GALNTL6: variants seen among roughly 807,000 people sequenced by gnomAD.
GALNTL6 encodes polypeptide N-acetylgalactosaminyltransferase-like 6.
Under a neutral mutation model 73.7 loss-of-function variants are expected in GALNTL6, and 46 were observed. The observed-to-expected ratio is 0.62, with a 90% CI of 0.49 to 0.80. The LOEUF is 0.80. Ranked by LOEUF, GALNTL6 falls within the 30% of genes least tolerant of loss-of-function variation. The probability of loss-of-function intolerance (pLI) is 0.00; values close to 1 mark genes in which losing one functional copy is unlikely to be tolerated. For missense variants in GALNTL6, 604 were observed against 755.0 expected, an observed-to-expected ratio of 0.80 and a Z score of 2.34; for synonymous variants, 259 against 263.7, an observed-to-expected ratio of 0.98 and a Z score of 0.17.
chr4:172,501,223 G>T (rs1278714665), intron 5 of GALNTL6, among the ~76,000 whole-genome samples: 1 of 152,094 alleles, frequency 6.6e-6, no homozygotes, highest in Non-Finnish European at 1.5e-5. Flanking sequence ...CTGGGTAAAG[G>T]GTATGTGAAA....
rs907034089 is a variant in GALNTL6 at position 171,986,451 on chromosome 4, C to T, written c.138+171733C>T. On this transcript the variant is annotated intron_variant, in intron 2 of 12. Transcript: ENST00000506823. ...AGGGGATATGATGGCTTAGCTTGGG[C>T]TCAGAGGCCTGACATTCCTGTCTTC... Among the ~76,000 whole-genome samples the T allele has an allele frequency of 2.6e-5, 4 of 152,036 alleles. No homozygotes were observed. In the South Asian group the frequency reaches 8.3e-4, roughly 32 times the overall value.
intron 10 of GALNTL6, among the ~76,000 whole-genome samples, chr4:172,971,914 G>A (rs1412731385): frequency 6.6e-6 from 1 of 152,076 alleles, no homozygotes; most frequent in Non-Finnish European, 1.5e-5. Flanking sequence ...GACTAAAAAG[G>A]CAACTCTCTC....
intron 5 of GALNTL6, among the ~76,000 whole-genome samples, chr4:172,590,985 A>C (rs1392437706): frequency 6.6e-6 from 1 of 152,178 alleles, no homozygotes; most frequent in African/African-American, 2.4e-5. Context: ...AGTACTTTGC[A>C]AATAGTCAGC....
In GALNTL6 at chr4:172,867,592, T is replaced by C. The variant is rs78820548; in HGVS notation, c.924-15198T>C. ...AGCCTACATCACCTGTACAATGTGG[T>C]GAGGGCAAAGGAGACGAAGGTGCAC... On this transcript the variant is annotated intron_variant, in intron 7 of 12. Coordinates refer to ENST00000506823, the MANE Select transcript of GALNTL6 (RefSeq NM_001034845.3). Among the ~76,000 whole-genome samples, 667 of 152,334 alleles carry C rather than the reference T, an allele frequency of 4.4e-3. 7 individuals are homozygous for C. The highest frequency in any genetic ancestry group is 0.015 in the African/African-American group (624 of 41,572).
chr4:172,399,101 A>G (rs1743949159), intron 5 of GALNTL6, among the ~76,000 whole-genome samples: 1 of 152,152 alleles, frequency 6.6e-6, no homozygotes, highest in South Asian at 2.1e-4. Flanking sequence ...ATAGTTAATC[A>G]GCCTACTGGA....
At chr4:172,970,163 A>G (rs1220858696) in intron 10 of GALNTL6, among the ~76,000 whole-genome samples, 1 of 152,234 alleles carries the variant, frequency 6.6e-6, no homozygotes, top group Non-Finnish European at 1.5e-5. Flanking sequence ...AAAGATCACA[A>G]GGCAAAGGGC....
chr4:172,653,467 C>T (rs183489217), intron 5 of GALNTL6, among the ~76,000 whole-genome samples: 21 of 152,112 alleles, frequency 1.4e-4, no homozygotes, highest in African/African-American at 2.9e-4. Flanking sequence ...GTGATCTGCC[C>T]GCCTCGGCCT....
At chr4:172,977,764 G>A (rs1579734678) in intron 10 of GALNTL6, among the ~76,000 whole-genome samples, 3 of 152,274 alleles carry the variant, frequency 2.0e-5, no homozygotes, top group Admixed American at 1.3e-4. Flanking sequence ...TCCTCTGGGT[G>A]CACATGTGCA....
At chr4:172,959,056 G>A (rs1485332078) in intron 10 of GALNTL6, among the ~76,000 whole-genome samples, 1 of 152,188 alleles carries the variant, frequency 6.6e-6, no homozygotes, top group Admixed American at 6.5e-5. Context: ...AGGCCATGCT[G>A]TAGCAGGCGA....
intron 5 of GALNTL6, among the ~76,000 whole-genome samples, chr4:172,445,239 TA>T (rs1438386632): frequency 1.3e-5 from 2 of 152,178 alleles, no homozygotes; most frequent in Non-Finnish European, 2.9e-5. Flanking sequence ...ATGATAACGC[TA>T]TGTCATTACA....
At chr4:172,354,563 A>G (rs569856476) in intron 5 of GALNTL6, among the ~76,000 whole-genome samples, 11 of 152,220 alleles carry the variant, frequency 7.2e-5, no homozygotes, top group Admixed American at 2.0e-4. Flanking sequence ...ATGTATGAAC[A>G]TACCACAGTA....
At chr4:172,473,576 A>G (rs536197924) in intron 5 of GALNTL6, among the ~76,000 whole-genome samples, 1 of 152,210 alleles carries the variant, frequency 6.6e-6, no homozygotes. Flanking sequence ...TGACACATAT[A>G]TACAAAATGT....
At chr4:172,165,769 A>G (rs530122333) in intron 2 of GALNTL6, among the ~76,000 whole-genome samples, 3 of 152,226 alleles carry the variant, frequency 2.0e-5, no homozygotes, top group Admixed American at 6.5e-5. Context: ...ATCTCTTATG[A>G]AAATAAATCA....
At chr4:172,575,058 A>T (rs959682511) in intron 5 of GALNTL6, among the ~76,000 whole-genome samples, 5 of 152,106 alleles carry the variant, frequency 3.3e-5, no homozygotes, top group African/African-American at 1.2e-4. Flanking sequence ...GTGTACCCAA[A>T]GGTCACTTAC....
At chr4:172,600,242 A>G (rs1261918740) in intron 5 of GALNTL6, among the ~76,000 whole-genome samples, 1 of 152,004 alleles carries the variant, frequency 6.6e-6, no homozygotes, top group Non-Finnish European at 1.5e-5. Context: ...TTGGAAACCA[A>G]AACCTAGAAA....
At chr4:172,614,779 C>T (rs1738658756) in intron 5 of GALNTL6, among the ~76,000 whole-genome samples, 2 of 152,248 alleles carry the variant, frequency 1.3e-5, no homozygotes, top group South Asian at 4.1e-4. Context: ...CATCGTAAGC[C>T]TAATAAGGTG....
chr4:172,193,318 A>G (rs1452579888), intron 2 of GALNTL6, among the ~76,000 whole-genome samples: 2 of 152,224 alleles, frequency 1.3e-5, no homozygotes, highest in Admixed American at 1.3e-4. Flanking sequence ...CAGAAGAAGT[A>G]GCAGGCAGCT....
At chr4:172,718,814 A>T (rs1735272392) in intron 5 of GALNTL6, among the ~76,000 whole-genome samples, 2 of 152,142 alleles carry the variant, frequency 1.3e-5, no homozygotes, top group Non-Finnish European at 2.9e-5. Context: ...ATCAACTTTT[A>T]AAAAATAACA....
chr4:172,210,677 A>G lies in GALNTL6; in HGVS notation c.139-18979A>G, dbSNP rs539626810. 3.9e-5 allele frequency among the ~76,000 whole-genome samples: 6 copies of G among 152,264 alleles called. No homozygotes were observed. In the South Asian group the frequency reaches 1.0e-3, roughly 26 times the overall value. ...TTGACCTTGATAATGTTTGTCCACT[A>G]TAAAGTTATTCTCACTGCCAGCCCC... On this transcript the variant is annotated intron_variant, in intron 2 of 12. Transcript: ENST00000506823.
Sources: allele counts gnomAD v4.1 joint callset (sites outside exome capture counted in the v4.1 genomes callset), GRCh38; gene constraint gnomAD v4.1.1; transcripts MANE v1.5; gene names NCBI Gene and HGNC (gene_info 2026-07-23, HGNC 2026-07-21).